The following HNRNPH1 variants were observed in gnomAD, a reference collection of about 807,000 sequenced individuals.
HNRNPH1 encodes heterogeneous nuclear ribonucleoprotein H.
Under a neutral mutation model 58.6 loss-of-function variants are expected in HNRNPH1, and 4 were observed. The ratio of observed to expected loss-of-function variants is 0.07; its 90% CI spans 0.03 to 0.16. The LOEUF is 0.16. HNRNPH1 is among the 10% of genes least tolerant of loss of function. The pLI is 1.00. For synonymous variants in HNRNPH1, 192 were observed against 189.2 expected, an observed-to-expected ratio of 1.01 and a Z score of -0.12; for missense variants, 271 against 564.2, an observed-to-expected ratio of 0.48 and a Z score of 5.26.
chr5:179,618,605 G>A (rs1043294895), intron 4 of HNRNPH1: 2 of 255,418 alleles, frequency 7.8e-6, no homozygotes, highest in East Asian at 7.7e-5. Flanking sequence ...GTTTTAGGAG[G>A]GAAATAATTC....
rs761837359 is a variant in HNRNPH1 at position 179,619,479 on chromosome 5, T to C, written c.398-72A>G. 7 of 1,439,200 alleles carry C rather than the reference T, an allele frequency of 4.9e-6. No homozygotes were observed. The South Asian group carries it at 7.6e-5, about 16-fold the overall frequency. 89.2% of individuals were successfully genotyped at this position (1,439,200 alleles called of 1,614,324 possible). Reference sequence around the variant, plus strand: ...TCACAAGCCCAGAAATGATTCTTCTTATAGCTTTAAATAAACCAGAATTTT... The same window carrying C: ...TCACAAGCCCAGAAATGATTCTTCTCATAGCTTTAAATAAACCAGAATTTT... On this transcript the variant is annotated intron_variant, in intron 3 of 12. Coordinates refer to ENST00000356731, the Ensembl canonical transcript of HNRNPH1.
chr5:179,616,452 C>A, intron 10 of HNRNPH1: 2 of 556,468 alleles, frequency 3.6e-6, no homozygotes, highest in South Asian at 2.2e-5. Context: ...GGACTAAAAT[C>A]AACATGATTC....
chr5:179,627,685 G>A (rs150314745), upstream of HNRNPH1, among the ~76,000 whole-genome samples: 3,545 of 152,018 alleles, frequency 0.023, 149 homozygotes, highest in African/African-American at 0.08. Context: ...CACTTTGGGA[G>A]GCTGAGGTGG....
At chr5:179,615,625 TA>T in intron 11 of HNRNPH1, 30 bp from the exon 13 acceptor site, 1 of 1,268,544 alleles carries the variant, frequency 7.9e-7, no homozygotes, top group Non-Finnish European at 1.1e-6. Context: ...GGTAAGACTA[TA>T]ATACCAAAAT....
intron 10 of HNRNPH1, 136 bp from the exon 12 acceptor site, chr5:179,616,354 A>G: frequency 1.4e-6 from 1 of 720,184 alleles, no homozygotes; most frequent in Non-Finnish European, 2.4e-6. Context: ...CCTTCTGCCT[A>G]CTGTCTATAA....
chr5:179,615,715 C>A, intron 11 of HNRNPH1, 120 bp from the exon 13 acceptor site: 1 of 563,148 alleles, frequency 1.8e-6, no homozygotes, highest in East Asian at 3.0e-5. Context: ...GATCCTGAAC[C>A]CAACCACCAT....
chr5:179,621,100 G>T (rs1036196550), intron 2 of HNRNPH1, 65 bp from the exon 4 acceptor site: 1 of 1,562,740 alleles, frequency 6.4e-7, no homozygotes, highest in Admixed American at 1.7e-5. Context: ...GACTTCCTGG[G>T]TCTTTAGATA....
chr5:179,617,217 T>TG, intron 8 of HNRNPH1, 107 bp from the exon 10 acceptor site: 2 of 1,123,154 alleles, frequency 1.8e-6, no homozygotes, highest in South Asian at 1.4e-5. Context: ...TCAAATACTT[T>TG]GGCAAAGAAA....
At position 179,617,980 on chromosome 5, in the gene HNRNPH1, T is replaced by A. The variant is rs200609447; in HGVS notation, c.787+9A>T. ...ATCCTTCAACTGAGAAATTCAATTCTTACCTTACCTCTTCCAAATCTATCT... is the reference window on the plus strand; with the variant it reads ...ATCCTTCAACTGAGAAATTCAATTCATACCTTACCTCTTCCAAATCTATCT... On this transcript the variant is annotated intron_variant, in intron 6 of 12. Transcript: ENST00000356731. 6.6e-5 allele frequency: 107 copies of A among 1,614,080 alleles called. 2 individuals are homozygous for A. In the Admixed American group the frequency reaches 1.8e-3, roughly 27 times the overall value.
chr5:179,616,261 TGTGGTACCTG>T (rs761962515), intron 10 of HNRNPH1, 43 bp from the exon 12 acceptor site: 3 of 1,461,446 alleles, frequency 2.1e-6, no homozygotes, highest in Admixed American at 1.7e-5. Context: ...TCTTATGTGA[TGTGGTACCTG>T]GTGGTACCGG....
Position 179,617,973 on chromosome 5 carries a change from T to C in HNRNPH1, c.787+16A>G. Reference sequence around the variant, plus strand: ...TGTAAGCATCCTTCAACTGAGAAATTCAATTCTTACCTTACCTCTTCCAAA... The same window carrying C: ...TGTAAGCATCCTTCAACTGAGAAATCCAATTCTTACCTTACCTCTTCCAAA... On this transcript the variant is annotated intron_variant, in intron 6 of 12. Coordinates refer to ENST00000356731, the Ensembl canonical transcript of HNRNPH1. The C allele has an allele frequency of 6.2e-7, 1 of 1,614,028 alleles. No individual in the cohort carries two copies. Among genetic ancestry groups the C allele is most frequent in the Non-Finnish European group, 8.5e-7 (1 of 1,179,920 alleles).
exon 4 of HNRNPH1, chr5:179,619,304 C>T: frequency 6.2e-7 from 1 of 1,613,370 alleles, no homozygotes; most frequent in Non-Finnish European, 8.5e-7. Flanking sequence ...TCTTTAGAGC[C>T]TTTTCAGCTA....
At chr5:179,621,532 T>C in intron 1 of HNRNPH1, 135 bp from the exon 3 acceptor site, 1 of 670,552 alleles carries the variant, frequency 1.5e-6, no homozygotes. Context: ...ACCACGATAT[T>C]ACCAACTCCT....
At chr5:179,615,666 T>A (rs552076278) in intron 11 of HNRNPH1, 71 bp from the exon 13 acceptor site, 18 of 780,672 alleles carry the variant, frequency 2.3e-5, no homozygotes, top group East Asian at 5.2e-5. Flanking sequence ...TGAAAAAAAA[T>A]AAATAAAACC....
chr5:179,623,965 TCTCTAGCCTTACCCGC>T (rs1322766600), exon 1 of HNRNPH1: 1 of 152,556 alleles, frequency 6.6e-6, no homozygotes, highest in Non-Finnish European at 1.5e-5. Flanking sequence ...TTGAAACCGT[TCTCTAGCCTTACCCGC>T]CAGCGTGGGG....
chr5:179,627,049 G>A (rs1774463124), upstream of HNRNPH1, among the ~76,000 whole-genome samples: 1 of 152,102 alleles, frequency 6.6e-6, no homozygotes, highest in Admixed American at 6.5e-5. Flanking sequence ...CCAAAGTGCT[G>A]GGATTATAGG....
chr5:179,626,798 C>T (rs1385398058), upstream of HNRNPH1, among the ~76,000 whole-genome samples: 3 of 135,148 alleles, frequency 2.2e-5, no homozygotes, highest in Non-Finnish European at 4.7e-5. Flanking sequence ...TTTTTTGAGA[C>T]GGAGTCTCGC....
chr5:179,616,647 C>G (rs755870061), intron 10 of HNRNPH1: 1 of 571,158 alleles, frequency 1.8e-6, no homozygotes, highest in African/African-American at 1.9e-5. Flanking sequence ...ACTCCGTAGT[C>G]CCCTCCCCCA....
upstream of HNRNPH1, among the ~76,000 whole-genome samples, chr5:179,625,237 T>TG (rs1774263344): frequency 6.6e-6 from 1 of 152,116 alleles, no homozygotes; most frequent in Non-Finnish European, 1.5e-5. Flanking sequence ...GGCTCACTCG[T>TG]GTAATACCAG....
Sources: gnomAD v4.1 joint callset for allele counts (sites outside exome capture counted in the v4.1 genomes callset) on GRCh38, gnomAD v4.1.1 for gene constraint, MANE v1.5 for transcripts, NCBI Gene and HGNC (gene_info 2026-07-23, HGNC 2026-07-21) for gene names.